SLC18B1: variants seen among roughly 807,000 people sequenced by gnomAD.
SLC18B1 encodes solute carrier family 18 member B1.
Under a neutral mutation model 53.9 loss-of-function variants are expected in SLC18B1, and 62 were observed. The observed-to-expected ratio is 1.15, with a 90% CI of 0.94 to 1.42. The LOEUF (loss-of-function observed/expected upper bound fraction) is 1.42. Among genes scored for constraint, SLC18B1 ranks in the 40% most tolerant of loss-of-function variants. The probability of loss-of-function intolerance (pLI) is 0.00; values close to 1 mark genes in which losing one functional copy is unlikely to be tolerated. For missense variants in SLC18B1, 598 were observed against 547.3 expected (o/e 1.09, Z -0.93); for synonymous variants, 217 against 200.9 (o/e 1.08, Z -0.68).
intron 8 of SLC18B1, 110 bp downstream of exon 8, chr6:132,776,218 T>C (rs1781094649): frequency 7.4e-6 from 6 of 809,788 alleles, no homozygotes; most frequent in Non-Finnish European, 1.0e-5. Context: ...ATCAGTCCAA[T>C]TGAATATATC....
Position 132,772,152 on chromosome 6 carries a change from A to C in SLC18B1, c.1140T>G (p.Phe380Leu). ...CTCACCCAATTGACCACATTGCACT[A>C]AAAAGACCTGATACAAGTCCCAATG... is the stretch of plus-strand genomic sequence containing the variant. ...LSTLGLVSGL[F>L]SAMWSIGAFM... Residue 380 changes from phenylalanine (F) to leucine (L), a missense_variant, in exon 11 of 14, where the codon TTT (phenylalanine) becomes TTG (leucine). Transcript: ENST00000275227. 1 of 1,579,038 alleles carries C rather than the reference A, an allele frequency of 6.3e-7. No individual in the cohort carries two copies. The highest frequency in any genetic ancestry group is 8.6e-7 in the Non-Finnish European group (1 of 1,168,822).
At chr6:132,794,180 T>G (rs1004854193) in intron 2 of SLC18B1, among the ~76,000 whole-genome samples, 5 of 151,228 alleles carry the variant, frequency 3.3e-5, no homozygotes, top group Non-Finnish European at 5.9e-5. Context: ...CTCGGCTCAC[T>G]GCAACCTCCA....
At chr6:132,782,222 C>T (rs1421403677) in intron 6 of SLC18B1, among the ~76,000 whole-genome samples, 1 of 151,572 alleles carries the variant, frequency 6.6e-6, no homozygotes, top group African/African-American at 2.4e-5. Context: ...CAATAGCTCC[C>T]AGTGGCTTTC....
Position 132,796,869 on chromosome 6 carries a change from T to C in SLC18B1, c.183+113A>G, listed in dbSNP as rs546876849. 9.9e-5 allele frequency: 113 copies of C among 1,143,750 alleles called. 1 individual carries two copies. In the South Asian group the frequency reaches 1.8e-3, roughly 19 times the overall value. 70.9% of individuals were successfully genotyped at this position (1,143,750 alleles called of 1,614,324 possible). On this transcript the variant is annotated intron_variant, in intron 2 of 13. Transcript: ENST00000275227. ...TGGCTGGAGTTCTATACACCATCTGTCCTATATGCAGATTTTTACATTTTA... is the reference window on the plus strand; with the variant it reads ...TGGCTGGAGTTCTATACACCATCTGCCCTATATGCAGATTTTTACATTTTA...
intron 4 of SLC18B1, chr6:132,789,480 G>A (rs916142530): frequency 4.5e-5 from 12 of 265,960 alleles, no homozygotes; most frequent in South Asian, 2.7e-4. Context: ...GTAAGTTTCC[G>A]TGACTCAGAA....
intron 7 of SLC18B1, among the ~76,000 whole-genome samples, chr6:132,777,174 G>A (rs1781119589): frequency 6.6e-6 from 1 of 152,092 alleles, no homozygotes; most frequent in African/African-American, 2.4e-5. Context: ...TTAGGAGGCA[G>A]AGGCTACGGT....
chr6:132,787,919 T>A (rs564639128), intron 4 of SLC18B1, among the ~76,000 whole-genome samples: 5 of 152,168 alleles, frequency 3.3e-5, no homozygotes, highest in Non-Finnish European at 7.4e-5. Context: ...CCCAGCACTT[T>A]GGGAGGCTGA....
chr6:132,785,153 G>A (rs1009952180), intron 5 of SLC18B1, among the ~76,000 whole-genome samples: 17 of 150,892 alleles, frequency 1.1e-4, no homozygotes, highest in African/African-American at 3.7e-4. Flanking sequence ...GTGTGTGTCA[G>A]TGTGTACATA....
chr6:132,786,763 G>A (rs1229064662), intron 5 of SLC18B1, among the ~76,000 whole-genome samples: 1 of 152,090 alleles, frequency 6.6e-6, no homozygotes, highest in African/African-American at 2.4e-5. Context: ...TGGGCCCAGA[G>A]AGAGAGAGAG....
At chr6:132,791,683 T>A (rs17606700) in intron 2 of SLC18B1, among the ~76,000 whole-genome samples, 6,975 of 152,202 alleles carry the variant, frequency 0.046, 215 homozygotes, top group Non-Finnish European at 0.071. Context: ...CACAGCTCCA[T>A]GGTAATGGCT....
At position 132,793,667 on chromosome 6, in the gene SLC18B1, A is replaced by G. The variant is rs142879504; in HGVS notation, c.183+3315T>C. 2.1e-3 allele frequency among the ~76,000 whole-genome samples: 317 copies of G among 152,302 alleles called. 3 individuals are homozygous for G. Among genetic ancestry groups the G allele is most frequent in the African/African-American group, 7.2e-3 (301 of 41,552 alleles). On this transcript the variant is annotated intron_variant, in intron 2 of 13. Coordinates refer to ENST00000275227, the MANE Select transcript of SLC18B1 (RefSeq NM_052831.3). ...TGCCTTTTCCTACACATAAGATAAC[A>G]TCTAACAGGGTTGTGATTATGCGTT...
At position 132,779,385 on chromosome 6, in the gene SLC18B1, G is replaced by A; in HGVS notation, c.678C>T (p.His226=). ...GTAAAGCGATCAGTTTCCAGAATGAGTGTTCACCTGGATCAGACTCTTTAG... is the reference window on the plus strand; with the variant it reads ...GTAAAGCGATCAGTTTCCAGAATGAATGTTCACCTGGATCAGACTCTTTAG... The part of the protein sequence containing the change: ...LPNYESDPGE[H]SFWKLIALPK... Residue 226 remains histidine (H), a synonymous_variant, in exon 7 of 14, where the codon CAC becomes CAT. Coordinates refer to ENST00000275227, the MANE Select transcript of SLC18B1 (RefSeq NM_052831.3). 6.2e-7 allele frequency: 1 copy of A among 1,610,738 alleles called. No homozygotes were observed. The highest frequency in any genetic ancestry group is 8.5e-7 in the Non-Finnish European group (1 of 1,177,504).
At position 132,787,430 on chromosome 6, in the gene SLC18B1, A is replaced by G. The variant is rs757880209; in HGVS notation, c.501+4T>C. The G allele has an allele frequency of 3.2e-6, 5 of 1,569,766 alleles. No individual in the cohort carries two copies. Among genetic ancestry groups the G allele is most frequent in the Non-Finnish European group, 4.3e-6 (5 of 1,164,328 alleles). The stretch of plus-strand genomic sequence containing the variant: ...AAAGTGGGAAATACTTCTAAAATAC[A>G]TACCAATACCGTAGCCACGTTATTT... On this transcript the variant is annotated splice_donor_region_variant and intron_variant, in intron 5 of 13. Coordinates refer to ENST00000275227, the MANE Select transcript of SLC18B1 (RefSeq NM_052831.3).
chr6:132,770,279 A>G lies in SLC18B1; in HGVS notation c.1362T>C (p.Asn454=), dbSNP rs758771147. ...TCCAGGATCCATCGGACTAGGTTTC[A>G]TTAGGCAAGAGAGTAGTTCGTTCCT... ...TEEERTTLLP[N]ET Residue 454 remains asparagine, a synonymous_variant, in exon 14 of 14, where the codon AAT becomes AAC. Transcript: ENST00000275227. 2 of 1,613,364 alleles carry G rather than the reference A, an allele frequency of 1.2e-6. No homozygotes were observed. The highest frequency in any genetic ancestry group is 8.5e-7 in the Non-Finnish European group (1 of 1,179,292).
Position 132,772,865 on chromosome 6 carries a change from C to T in SLC18B1, c.1085+128G>A, listed in dbSNP as rs2114659749. On this transcript the variant is annotated intron_variant, in intron 10 of 13. Transcript: ENST00000275227. ...ATTTATATCATAATATCATATGCTACAAAATCATGAAGATTTAACATTGGG... is the reference window on the plus strand; with the variant it reads ...ATTTATATCATAATATCATATGCTATAAAATCATGAAGATTTAACATTGGG... 7.9e-6 allele frequency: 5 copies of T among 629,624 alleles called. No homozygotes were observed. In the East Asian group the frequency reaches 1.4e-4, roughly 17 times the overall value. The allele number at this position is 629,624 out of a possible 1,614,324, so 39.0% of individuals were successfully genotyped here.
At chr6:132,783,525 C>T (rs189230687) in intron 6 of SLC18B1, among the ~76,000 whole-genome samples, 15 of 152,310 alleles carry the variant, frequency 9.8e-5, no homozygotes, top group Admixed American at 2.6e-4. Context: ...CCTGAATCTA[C>T]GTCCTTGTAT....
chr6:132,791,631 C>T (rs1212782791), intron 2 of SLC18B1, among the ~76,000 whole-genome samples: 4 of 152,126 alleles, frequency 2.6e-5, no homozygotes, highest in African/African-American at 9.7e-5. Flanking sequence ...TCAGAAATGT[C>T]CCTAAGCACT....
chr6:132,780,832 T>A (rs190038886), intron 6 of SLC18B1, among the ~76,000 whole-genome samples: 92 of 152,230 alleles, frequency 6.0e-4, no homozygotes, highest in Middle Eastern at 6.8e-3. Context: ...AGTGCTGAGA[T>A]TACAGGCATG....
At chr6:132,789,967 C>A (rs1160383313) in intron 3 of SLC18B1, 130 bp from the exon 4 acceptor site, 4 of 674,236 alleles carry the variant, frequency 5.9e-6, no homozygotes, top group African/African-American at 3.6e-5. Context: ...TATAATAATT[C>A]TTTAATATGG....
Sources: gnomAD v4.1 joint callset for allele counts (sites outside exome capture counted in the v4.1 genomes callset) on GRCh38, gnomAD v4.1.1 for gene constraint, MANE v1.5 for transcripts, NCBI Gene and HGNC (gene_info 2026-07-23, HGNC 2026-07-21) for gene names.